The following DOK7 variants were observed in gnomAD, a reference collection of about 807,000 sequenced individuals.
The protein encoded by DOK7 is protein Dok-7.
Under a neutral mutation model 30.7 loss-of-function variants are expected in DOK7, and 32 were observed. That is an observed-to-expected ratio of 1.04 (90% confidence interval 0.79 to 1.40). The LOEUF is 1.40. Among genes scored for constraint, DOK7 ranks in the 40% most tolerant of loss-of-function variants. The pLI is 0.00. For missense variants in DOK7, 1,007 were observed against 699.2 expected (o/e 1.44, Z -4.97); for synonymous variants, 447 against 324.1 (o/e 1.38, Z -4.07).
intron 4 of DOK7, chr4:3,484,555 C>T (rs926897865): frequency 1.3e-4 from 129 of 985,502 alleles, no homozygotes; most frequent in East Asian, 4.5e-4. Context: ...TTCACGCGGC[C>T]GCCAGGGCTT....
rs1351985251 is a variant in DOK7 at position 3,490,515 on chromosome 4, TC to T, written c.772+721del. Among the ~76,000 whole-genome samples, 7 of 118,038 alleles carry T rather than the reference TC, an allele frequency of 5.9e-5. 1 individual carries two copies. Among genetic ancestry groups the T allele is most frequent in the African/African-American group, 2.6e-4 (7 of 26,510 alleles). The allele number at this position is 118,038 out of a possible 152,430, so 77.4% of individuals were successfully genotyped here. A position where few individuals can be genotyped will look rare whatever the true frequency, so the allele number is the denominator to read the frequency against. ...CTTCCTTTTCCCCCTGCTCATTCTT[TC>T]CTTCACCCCCCCGCTCATTCGTTCC... is the stretch of plus-strand genomic sequence containing the variant. On this transcript the variant is annotated intron_variant, in intron 6 of 6. Coordinates refer to ENST00000340083, the MANE Select transcript of DOK7 (RefSeq NM_173660.5).
rs547261981 is a variant in DOK7 at position 3,479,568 on chromosome 4, T to TA, written c.532+3026_532+3027insA. The stretch of plus-strand genomic sequence containing the variant: ...CCTTCCCCAGGGACAGGTCCTAGCC[T>TA]GGCCCCCGATCCCCAGAACCGCCTC... On this transcript the variant is annotated intron_variant, in intron 4 of 6. Coordinates refer to ENST00000340083, the MANE Select transcript of DOK7 (RefSeq NM_173660.5). Among the ~76,000 whole-genome samples, 374 of 152,312 alleles carry TA rather than the reference T, an allele frequency of 2.5e-3. 1 individual carries two copies. Among genetic ancestry groups the TA allele is most frequent in the Admixed American group, 5.6e-3 (86 of 15,306 alleles).
At chr4:3,464,218 C>T (rs939292907) in intron 2 of DOK7, among the ~76,000 whole-genome samples, 9 of 152,118 alleles carry the variant, frequency 5.9e-5, no homozygotes, top group Non-Finnish European at 1.2e-4. Context: ...CGGCCAGGCC[C>T]GGGTCTGGGT....
At chr4:3,468,726 C>T (rs9759564) in intron 2 of DOK7, among the ~76,000 whole-genome samples, 1,381 of 123,710 alleles carry the variant, frequency 0.011, 22 homozygotes, top group African/African-American at 0.041. Context: ...GTGTGCGTGC[C>T]TGTATGTCTG....
At chr4:3,468,516 A>ATG (rs1284349437) in intron 2 of DOK7, among the ~76,000 whole-genome samples, 16 of 106,854 alleles carry the variant, frequency 1.5e-4, no homozygotes, top group African/African-American at 6.2e-4. Context: ...GTGTGCGTGT[A>ATG]TGAGTGTGTG....
Position 3,463,489 on chromosome 4 carries a change from C to T in DOK7, c.55-17C>T, listed in dbSNP as rs1294436717. On this transcript the variant is annotated splice_polypyrimidine_tract_variant and intron_variant, in intron 1 of 6. Transcript: ENST00000340083. ...GCGGGCGCGGGCGGCGGCTCACGCT[C>T]CCCCCTGTCCCCGCAGTGGAAGAGT... is the stretch of plus-strand genomic sequence containing the variant. The T allele has an allele frequency of 2.1e-5, 31 of 1,484,706 alleles. No homozygotes were observed. The highest frequency in any genetic ancestry group is 2.6e-5 in the Non-Finnish European group (29 of 1,122,342). 92.0% of individuals were successfully genotyped at this position (1,484,706 alleles called of 1,614,324 possible). A position where few individuals can be genotyped will look rare whatever the true frequency, so the allele number is the denominator to read the frequency against.
intron 2 of DOK7, among the ~76,000 whole-genome samples, chr4:3,472,743 G>C (rs1178292852): frequency 6.6e-6 from 1 of 152,220 alleles, no homozygotes; most frequent in African/African-American, 2.4e-5. Context: ...GGGGACCCGA[G>C]TTGCCCTGGA....
intron 5 of DOK7, among the ~76,000 whole-genome samples, chr4:3,489,445 C>G (rs1242188932): frequency 6.6e-6 from 1 of 152,238 alleles, no homozygotes; most frequent in Admixed American, 6.5e-5. Flanking sequence ...GTGGCAGGGC[C>G]ATCCACGGGC....
At chr4:3,470,212 T>C (rs912565340) in intron 2 of DOK7, among the ~76,000 whole-genome samples, 4 of 152,232 alleles carry the variant, frequency 2.6e-5, no homozygotes, top group Non-Finnish European at 4.4e-5. Flanking sequence ...CAGGTGACCT[T>C]CCCTGTGTCT....
chr4:3,473,981 G>A (rs1726923642), intron 3 of DOK7, among the ~76,000 whole-genome samples: 1 of 152,162 alleles, frequency 6.6e-6, no homozygotes, highest in South Asian at 2.1e-4. Context: ...TGGCTAGGAA[G>A]GAGAGCCCCA....
At chr4:3,479,602 C>T (rs1241319832) in intron 4 of DOK7, among the ~76,000 whole-genome samples, 1 of 152,250 alleles carries the variant, frequency 6.6e-6, no homozygotes, top group Non-Finnish European at 1.5e-5. Flanking sequence ...TCACTTGGCC[C>T]CGCCACAGCC....
chr4:3,473,740 G>T, intron 3 of DOK7, 104 bp downstream of exon 3: 1 of 1,122,566 alleles, frequency 8.9e-7, no homozygotes, highest in Non-Finnish European at 1.2e-6. Flanking sequence ...AGGGAACCGT[G>T]CAGGAAGATG....
intron 2 of DOK7, among the ~76,000 whole-genome samples, chr4:3,468,731 T>C (rs1726513418): frequency 1.5e-5 from 2 of 132,632 alleles, no homozygotes; most frequent in Non-Finnish European, 3.3e-5. Flanking sequence ...CGTGCCTGTA[T>C]GTCTGCCTGT....
intron 2 of DOK7, among the ~76,000 whole-genome samples, chr4:3,468,794 ATGTC>A (rs1245295973): frequency 0.019 from 2,470 of 131,398 alleles, 75 homozygotes; most frequent in African/African-American, 0.068. Context: ...GTGATCATGT[ATGTC>A]TGTGTGTGCC....
At chr4:3,482,277 G>A (rs1487830427) in intron 4 of DOK7, among the ~76,000 whole-genome samples, 1 of 152,222 alleles carries the variant, frequency 6.6e-6, no homozygotes, top group Non-Finnish European at 1.5e-5. Context: ...GGGGCTCAGT[G>A]AGGACAGCTC....
intron 4 of DOK7, among the ~76,000 whole-genome samples, chr4:3,483,645 C>T (rs947344647): frequency 6.6e-6 from 1 of 152,202 alleles, no homozygotes; most frequent in Non-Finnish European, 1.5e-5. Flanking sequence ...CCACTCCTTC[C>T]GTAATGTGGT....
rs59932476 is a variant in DOK7 at position 3,489,777 on chromosome 4, G to A, written c.753G>A (p.Ala251=). 0.038 allele frequency: 59,247 copies of A among 1,572,772 alleles called. 1,454 individuals carry two copies. The highest frequency in any genetic ancestry group is 0.092 in the African/African-American group (6,801 of 74,188). The stretch of plus-strand genomic sequence containing the variant: ...AGCGGCTGAGCCTCCTCTCACATGC[G>A]GGCAGGCCGGGCAGTGGAGGTAGGG... ...LEKRLSLLSH[A]GRPGSGGDDR... The change falls in exon 6 of 7, where the codon GCG becomes GCA. Residue 251 remains alanine, a synonymous_variant. Transcript: ENST00000340083.
chr4:3,481,430 C>T lies in DOK7; in HGVS notation c.533-4109C>T, dbSNP rs151109837. On this transcript the variant is annotated intron_variant, in intron 4 of 6. Coordinates refer to ENST00000340083, the MANE Select transcript of DOK7 (RefSeq NM_173660.5). ...TGGTGATGGACAAGGGGAGGAGGGC[C>T]GGCCCGGGAAGGGGGGGCCTTCTAG... Among the ~76,000 whole-genome samples, 703 of 149,598 alleles carry T rather than the reference C, an allele frequency of 4.7e-3. 4 individuals carry two copies. The highest frequency in any genetic ancestry group is 0.017 in the African/African-American group (656 of 39,752).
chr4:3,493,314 C>A lies in DOK7; in HGVS notation c.1328C>A (p.Pro443His). Reference sequence around the variant, plus strand: ...GGCGGCCAGACGTCCGCCGGGTGTCCCTCTGGCTGGCTGGGCACGAGACGG... The same window carrying A: ...GGCGGCCAGACGTCCGCCGGGTGTCACTCTGGCTGGCTGGGCACGAGACGG... The part of the protein sequence containing the change: ...DSGGQTSAGC[P>H]SGWLGTRRRG... Residue 443 changes from proline to histidine, a missense_variant, in exon 7 of 7, where the codon CCC becomes CAC. Physicochemically the swap from Pro to His is moderately conservative, Grantham distance 77. Transcript: ENST00000340083. 4.4e-6 allele frequency: 7 copies of A among 1,604,978 alleles called. No homozygotes were observed. Among genetic ancestry groups the A allele is most frequent in the Non-Finnish European group, 6.0e-6 (7 of 1,176,128 alleles).
Sources: gnomAD v4.1 joint callset for allele counts (sites outside exome capture counted in the v4.1 genomes callset) on GRCh38, gnomAD v4.1.1 for gene constraint, MANE v1.5 for transcripts, NCBI Gene and HGNC (gene_info 2026-07-23, HGNC 2026-07-21) for gene names.